Variants in RNF182 observed in about 807,000 individuals in gnomAD.
RNF182 encodes E3 ubiquitin-protein ligase RNF182.
In RNF182, 15 loss-of-function variants were observed where a neutral mutation model predicts 14.4. The ratio of observed to expected loss-of-function variants is 1.04; its 90% CI spans 0.70 to 1.60. The LOEUF (loss-of-function observed/expected upper bound fraction) is 1.60, where lower values mean the gene tolerates loss of function less well. RNF182 is among the 40% of genes most tolerant of loss of function. RNF182 has a pLI of 0.00. For missense variants in RNF182, 268 were observed against 294.8 expected (o/e 0.91, Z 0.67); for synonymous variants, 128 against 122.9 (o/e 1.04, Z -0.27).
chr6:13,931,523 T>A (rs1758968563), intron 1 of RNF182, among the ~76,000 whole-genome samples: 1 of 152,152 alleles, frequency 6.6e-6, no homozygotes, highest in African/African-American at 2.4e-5. Flanking sequence ...TTCCTGGAAT[T>A]CCTGGTGCAT....
At position 13,977,295 on chromosome 6, in the gene RNF182, A is replaced by C; in HGVS notation, c.176A>C (p.Gln59Pro). ...YKIIDFGDSP[Q>P]GVIVCPFCRF... ...ATCATAGACTTTGGGGACTCCCCAC[A>C]AGGTGTCATTGTCTGTCCTTTCTGC... is the stretch of plus-strand genomic sequence containing the variant. Residue 59 changes from glutamine to proline, a missense_variant, in exon 3 of 3, where the codon CAA becomes CCA. Gln to Pro is a moderately conservative substitution (Grantham distance 76, BLOSUM62 -1). Coordinates refer to ENST00000488300, the MANE Select transcript of RNF182 (RefSeq NM_152737.4). 6.2e-7 allele frequency: 1 copy of C among 1,614,190 alleles called. No homozygotes were observed. Among genetic ancestry groups the C allele is most frequent in the Non-Finnish European group, 8.5e-7 (1 of 1,180,026 alleles).
rs149932328 is a variant in RNF182, at chr6:13,950,719, A to G, written c.-366-23491A>G. Reference sequence around the variant, plus strand: ...ACCATGTTGGCCAGGCTGGTCTTGAACTCCTGATCTCAGGTAATCTGCCTG... The same window carrying G: ...ACCATGTTGGCCAGGCTGGTCTTGAGCTCCTGATCTCAGGTAATCTGCCTG... On this transcript the variant is annotated intron_variant, in intron 1 of 2. Transcript: ENST00000488300. 4.4e-3 allele frequency among the ~76,000 whole-genome samples: 658 copies of G among 150,642 alleles called. 1 individual carries two copies. Among genetic ancestry groups the G allele is most frequent in the African/African-American group, 0.015 (633 of 41,004 alleles).
chr6:13,960,468 C>A (rs1759839104), intron 1 of RNF182, among the ~76,000 whole-genome samples: 1 of 152,044 alleles, frequency 6.6e-6, no homozygotes, highest in Non-Finnish European at 1.5e-5. Flanking sequence ...ATACCAAGAC[C>A]CCGTCTTTAC....
intron 1 of RNF182, among the ~76,000 whole-genome samples, chr6:13,926,795 T>TG (rs991430853): frequency 6.8e-6 from 1 of 147,864 alleles, no homozygotes; most frequent in African/African-American, 2.6e-5. Flanking sequence ...GTGTGTGTTT[T>TG]TTTTTTTTTC....
intron 1 of RNF182, among the ~76,000 whole-genome samples, chr6:13,940,500 T>C (rs568749943): frequency 6.6e-6 from 1 of 152,220 alleles, no homozygotes; most frequent in South Asian, 2.1e-4. Flanking sequence ...GTGCCTTTTT[T>C]CCCCCCTTGA....
At chr6:13,964,094 AAAAG>A (rs1397653420) in intron 1 of RNF182, among the ~76,000 whole-genome samples, 18 of 152,286 alleles carry the variant, frequency 1.2e-4, no homozygotes, top group Admixed American at 1.0e-3. Flanking sequence ...TAAAAAAAAA[AAAAG>A]AATCATTATC....
chr6:13,930,906 A>G (rs983895911), intron 1 of RNF182, among the ~76,000 whole-genome samples: 3 of 152,242 alleles, frequency 2.0e-5, no homozygotes, highest in Non-Finnish European at 4.4e-5. Context: ...TGGATAAACC[A>G]CAATCTGAAT....
intron 1 of RNF182, among the ~76,000 whole-genome samples, chr6:13,941,918 A>G (rs575355596): frequency 7.9e-4 from 121 of 152,242 alleles, no homozygotes; most frequent in African/African-American, 2.7e-3. Flanking sequence ...GTATTTATCT[A>G]TATTTATCAT....
chr6:13,967,736 AT>A (rs1003630247), intron 1 of RNF182, among the ~76,000 whole-genome samples: 4 of 151,964 alleles, frequency 2.6e-5, no homozygotes, highest in African/African-American at 9.6e-5. Flanking sequence ...AAATTTATTA[AT>A]TTTTTTTTAA....
rs180872299 is a variant in RNF182 at position 13,948,157 on chromosome 6, C to T, written c.-367+23134C>T. ...CTGTTTTTCTCAATATTTATGAATA[C>T]ATTAGTTTTCCAAGAGTCTTGGAAG... is the stretch of plus-strand genomic sequence containing the variant. On this transcript the variant is annotated intron_variant, in intron 1 of 2. Transcript: ENST00000488300. 6.6e-3 allele frequency among the ~76,000 whole-genome samples: 1,006 copies of T among 152,140 alleles called. 10 individuals carry two copies. Among genetic ancestry groups the T allele is most frequent in the African/African-American group, 0.023 (964 of 41,510 alleles).
In RNF182 at chr6:13,965,110, T is replaced by C. The variant is rs1011856958; in HGVS notation, c.-366-9100T>C. Among the ~76,000 whole-genome samples the C allele has an allele frequency of 2.6e-5, 4 of 152,102 alleles. No individual in the cohort carries two copies. The South Asian group carries it at 8.3e-4, about 31-fold the overall frequency. The stretch of plus-strand genomic sequence containing the variant: ...CGGCAGCCAGAGACAGATGACAACC[T>C]GACAAAAAATAGAAAGAGCACATAA... On this transcript the variant is annotated intron_variant, in intron 1 of 2. Transcript: ENST00000488300.
chr6:13,961,665 A>G (rs971070036), intron 1 of RNF182: 1 of 152,232 alleles, frequency 6.6e-6, no homozygotes, highest in South Asian at 2.1e-4. Context: ...ATATAAAAAT[A>G]GTGGCCTCTC....
rs528751916 is a variant in RNF182, at chr6:13,980,280, A to G, written c.*2417A>G. On this transcript the variant is annotated 3_prime_UTR_variant, in exon 3 of 3. Transcript: ENST00000488300. ...AAGCAGGGGAGAAAAATTAGGGGAGATGAAATAAAAATATCGTCTTTATAA... is the reference window on the plus strand; with the variant it reads ...AAGCAGGGGAGAAAAATTAGGGGAGGTGAAATAAAAATATCGTCTTTATAA... The G allele has an allele frequency of 1.3e-4, 19 of 150,878 alleles. No homozygotes were observed. The highest frequency in any genetic ancestry group is 7.4e-5 in the Non-Finnish European group (5 of 67,726). 9.3% of individuals were successfully genotyped at this position (150,878 alleles called of 1,614,324 possible).
Position 13,964,367 on chromosome 6 carries a change from C to A in RNF182, c.-366-9843C>A, listed in dbSNP as rs538311382. Among the ~76,000 whole-genome samples the A allele has an allele frequency of 6.2e-4, 95 of 152,240 alleles. No homozygotes were observed. The South Asian group carries it at 0.019, about 31-fold the overall frequency. On this transcript the variant is annotated intron_variant, in intron 1 of 2. Coordinates refer to ENST00000488300, the MANE Select transcript of RNF182 (RefSeq NM_152737.4). ...TTTGGTACATATCTTTATGTAATAG[C>A]CGCTGAACATGCTTAGTATTGCCAA...
intron 2 of RNF182, among the ~76,000 whole-genome samples, chr6:13,974,969 T>C (rs1449855369): frequency 1.3e-5 from 2 of 152,176 alleles, no homozygotes; most frequent in African/African-American, 4.8e-5. Context: ...GAGCATTACA[T>C]CTGGGTGGGC....
intron 1 of RNF182, among the ~76,000 whole-genome samples, chr6:13,960,656 A>AGTGTGT (rs745687828): frequency 2.7e-3 from 356 of 133,208 alleles, no homozygotes; most frequent in Non-Finnish European, 3.8e-3. Flanking sequence ...GGAGAGAGAG[A>AGTGTGT]GTGTGTGTGT....
chr6:13,970,680 G>T (rs1760152844), intron 1 of RNF182, among the ~76,000 whole-genome samples: 1 of 151,982 alleles, frequency 6.6e-6, no homozygotes, highest in Admixed American at 6.6e-5. Context: ...TTCCATAGTG[G>T]TTGTACTAAT....
chr6:13,925,111 G>T, intron 1 of RNF182, 88 bp downstream of exon 1: 1 of 106,372 alleles, frequency 9.4e-6, no homozygotes. Context: ...CCGCAGTCCT[G>T]GACGGCGCCG....
intron 1 of RNF182, among the ~76,000 whole-genome samples, chr6:13,928,520 T>A (rs996386452): frequency 2.0e-5 from 3 of 152,252 alleles, no homozygotes; most frequent in Non-Finnish European, 4.4e-5. Context: ...AATGTTTTTT[T>A]AAAAAGTTTT....
Sources: allele counts gnomAD v4.1 joint callset (sites outside exome capture counted in the v4.1 genomes callset), GRCh38; gene constraint gnomAD v4.1.1; transcripts MANE v1.5; gene names NCBI Gene and HGNC (gene_info 2026-07-23, HGNC 2026-07-21).